RYR1: variants seen among roughly 807,000 people sequenced by gnomAD.
RYR1 encodes the protein central core disease of muscle.
RYR1 carries 342 observed loss-of-function variants against 583.5 expected under a neutral mutation model. The observed-to-expected ratio is 0.59, with a 90% CI of 0.54 to 0.64. The LOEUF (loss-of-function observed/expected upper bound fraction) is 0.64. Ranked by LOEUF, RYR1 falls within the 30% of genes least tolerant of loss-of-function variation. RYR1 has a pLI of 0.00. For missense variants in RYR1, 6,032 were observed against 6,917.2 expected (o/e 0.87, Z 4.54); for synonymous variants, 2,791 against 2,822.5 (o/e 0.99, Z 0.35).
chr19:38,489,254 A>G lies in RYR1; in HGVS notation c.5625A>G (p.Glu1875=). 1 of 1,613,148 alleles carries G rather than the reference A, an allele frequency of 6.2e-7. No individual in the cohort carries two copies. The part of the protein sequence containing the change: ...MIEPEVFTEE[E]EEEDEEEEGE... Reference sequence around the variant, plus strand: ...AGCCTGAGGTCTTCACTGAGGAAGAAGAGGAGGAGGACGAGGAGGAAGAGG... The same window carrying G: ...AGCCTGAGGTCTTCACTGAGGAAGAGGAGGAGGAGGACGAGGAGGAAGAGG... The change falls in exon 35 of 106, where the codon GAA becomes GAG. Residue 1875 remains glutamate, a synonymous_variant. Transcript: ENST00000359596.
At chr19:38,520,075 T>A (rs1372213354) in intron 67 of RYR1, among the ~76,000 whole-genome samples, 1 of 150,340 alleles carries the variant, frequency 6.7e-6, no homozygotes, top group Non-Finnish European at 1.5e-5. Flanking sequence ...AGTTTGCTTT[T>A]TTTTTTTTTT....
At chr19:38,555,589 A>C (rs1972847731) in intron 89 of RYR1, among the ~76,000 whole-genome samples, 1 of 152,174 alleles carries the variant, frequency 6.6e-6, no homozygotes, top group Admixed American at 6.6e-5. Flanking sequence ...TAAAAAAGTC[A>C]CAGTCCTTTA....
intron 26 of RYR1, 65 bp downstream of exon 26, chr19:38,469,205 G>A: frequency 6.2e-7 from 1 of 1,607,814 alleles, no homozygotes; most frequent in South Asian, 1.1e-5. Flanking sequence ...ACCCTGCACT[G>A]CCCTTCTGCC....
Position 38,494,568 on chromosome 19 carries a change from C to A in RYR1, c.6491C>A (p.Ser2164Ter). ...SLLECLGQIR[S>*]LLIVQMGPQE... ...CTCGAGTGCCTCGGCCAGATCCGCT[C>A]GCTGCTCATCGTGCAGATGGGCCCC... Residue 2164 changes from serine (S) to a stop codon, truncating the protein, a stop_gained, in exon 39 of 106, where the codon TCG (serine) becomes TAG (stop). Coordinates refer to ENST00000359596, the MANE Select transcript of RYR1 (RefSeq NM_000540.3). LOFTEE classifies it high-confidence loss of function. 1 of 1,614,128 alleles carries A rather than the reference C, an allele frequency of 6.2e-7. No individual in the cohort carries two copies. The highest frequency in any genetic ancestry group is 8.5e-7 in the Non-Finnish European group (1 of 1,180,040).
chr19:38,551,431 T>G (rs1271488467), intron 89 of RYR1, among the ~76,000 whole-genome samples: 1 of 151,902 alleles, frequency 6.6e-6, no homozygotes, highest in Admixed American at 6.6e-5. Flanking sequence ...CATCTGCACT[T>G]AGGTAAGCTC....
At chr19:38,529,131 T>A in intron 76 of RYR1, 74 bp downstream of exon 76, 1 of 1,492,834 alleles carries the variant, frequency 6.7e-7, no homozygotes, top group Non-Finnish European at 9.3e-7. Context: ...AGCTTCCCTG[T>A]GCCTCAGGAG....
rs78835441 is a variant in RYR1, at chr19:38,458,129, C to A, written c.2004C>A (p.Asp668Glu). The part of the protein sequence containing the change: ...YSKWYFEVMV[D>E]EVTPFLTAQA... ...AATGGTACTTTGAGGTGATGGTGGA[C>A]GAGGTGACTCCATTTCTGACAGCTC... The change falls in exon 18 of 106, where the codon GAC (aspartate) becomes GAA (glutamate). Residue 668 changes from aspartate to glutamate, a missense_variant. Physicochemically the swap from Asp to Glu is conservative, Grantham distance 45. Around this residue, in one of 11 missense-constraint regions of RYR1, gnomAD observed 2,627 missense variants for 2,961.3 expected, o/e 0.89. Transcript: ENST00000359596. 6 of 1,613,886 alleles carry A rather than the reference C, an allele frequency of 3.7e-6. No individual in the cohort carries two copies. In the African/African-American group the frequency reaches 8.0e-5, roughly 22 times the overall value.
In RYR1 at chr19:38,486,100, G is replaced by A. The variant is rs1305200721; in HGVS notation, c.5445G>A (p.Leu1815=). 1.2e-6 allele frequency: 2 copies of A among 1,612,856 alleles called. No individual in the cohort carries two copies. Among genetic ancestry groups the A allele is most frequent in the South Asian group, 1.1e-5 (1 of 90,994 alleles). The change falls in exon 34 of 106, where the codon CTG becomes CTA. Residue 1815 remains leucine, a synonymous_variant. Transcript: ENST00000359596. Reference sequence around the variant, plus strand: ...TGCGGGACAAGGCACTGAGGATGCTGGGGGAGGCGGTGCGCGACGGTGGGC... The same window carrying A: ...TGCGGGACAAGGCACTGAGGATGCTAGGGGAGGCGGTGCGCGACGGTGGGC... ...EALRDKALRM[L]GEAVRDGGQH...
Position 38,510,793 on chromosome 19 carries a change from G to A in RYR1, c.9122+12G>A, listed in dbSNP as rs1970692603. The stretch of plus-strand genomic sequence containing the variant: ...GAAATGATCACCAGGTGGGCCGCCT[G>A]TGACCCTGGACCCAGCCCCCTGACC... On this transcript the variant is annotated intron_variant, in intron 60 of 105. Coordinates refer to ENST00000359596, the MANE Select transcript of RYR1 (RefSeq NM_000540.3). 1 of 1,614,088 alleles carries A rather than the reference G, an allele frequency of 6.2e-7. No homozygotes were observed. Among genetic ancestry groups the A allele is most frequent in the South Asian group, 1.1e-5 (1 of 91,080 alleles).
intron 78 of RYR1, among the ~76,000 whole-genome samples, chr19:38,534,380 C>T (rs1231148208): frequency 1.3e-5 from 2 of 152,120 alleles, no homozygotes; most frequent in African/African-American, 4.8e-5. Flanking sequence ...TGGCTTCATC[C>T]ATATAGGAAG....
chr19:38,502,410 C>G (rs1970164558), intron 47 of RYR1, 97 bp from the exon 48 acceptor site: 1 of 1,192,918 alleles, frequency 8.4e-7, no homozygotes, highest in East Asian at 2.5e-5. Context: ...GGGGAGTCAT[C>G]AGAAGCTTGG....
intron 29 of RYR1, among the ~76,000 whole-genome samples, 172 bp from the exon 30 acceptor site, chr19:38,477,538 G>A (rs898332794): frequency 1.3e-5 from 2 of 152,078 alleles, no homozygotes; most frequent in African/African-American, 4.8e-5. Flanking sequence ...ATCTAGAATT[G>A]CACAAATTGA....
In RYR1 at chr19:38,519,292, G is replaced by A. The variant is rs137932199; in HGVS notation, c.10097G>A (p.Arg3366His). 1,886 of 1,614,096 alleles carry A rather than the reference G, an allele frequency of 1.2e-3. 3 individuals are homozygous for A. The highest frequency in any genetic ancestry group is 1.7e-3 in the Middle Eastern group (10 of 6,060). ...TTCATCCCAACTATCGGGCGGCTGC[G>A]CAAGAGGGCAGGGAAGGTGGTGTCC... Reference protein sequence around the residue: ...SHFIPTIGRLRKRAGKVVSEE... With the variant: ...SHFIPTIGRLHKRAGKVVSEE... Residue 3366 changes from arginine (R) to histidine (H), a missense_variant, in exon 67 of 106, where the codon CGC becomes CAC. By Grantham distance (29) the Arg-to-His change is conservative. Around this residue, in one of 11 missense-constraint regions of RYR1, gnomAD observed 1,493 missense variants for 1,715.5 expected, o/e 0.87. Transcript: ENST00000359596.
chr19:38,570,531 G>A, intron 93 of RYR1, 76 bp from the exon 94 acceptor site: 1 of 1,068,566 alleles, frequency 9.4e-7, no homozygotes, highest in Non-Finnish European at 1.5e-6. Context: ...TTTGATTGCA[G>A]GTAAATGATG....
chr19:38,505,171 G>C, intron 52 of RYR1, 90 bp downstream of exon 52: 1 of 1,296,152 alleles, frequency 7.7e-7, no homozygotes, highest in East Asian at 2.4e-5. Flanking sequence ...AGATCTCCCT[G>C]AGACCCCCCA....
rs7259341 is a variant in RYR1, at chr19:38,477,976, T to C, written c.4454+106T>C. 7.3e-3 allele frequency: 8,622 copies of C among 1,186,574 alleles called. 428 individuals are homozygous for C. In the African/African-American group the frequency reaches 0.11, roughly 15 times the overall value. 73.5% of individuals were successfully genotyped at this position (1,186,574 alleles called of 1,614,324 possible). ...CTGCCTGGTTGTGGGACCTAGGAAC[T>C]TTCTGGAGCGGGAGGATTCTCTGGG... On this transcript the variant is annotated intron_variant, in intron 30 of 105. Coordinates refer to ENST00000359596, the MANE Select transcript of RYR1 (RefSeq NM_000540.3).
At chr19:38,438,302 C>CTATCACTGACATTAACATTACA (rs1972512851) in intron 1 of RYR1, among the ~76,000 whole-genome samples, 1 of 151,954 alleles carries the variant, frequency 6.6e-6, no homozygotes, top group South Asian at 2.1e-4. Context: ...TCTATAACAC[C>CTATCACTGACATTAACATTACA]TATCACTGAC....
intron 64 of RYR1, among the ~76,000 whole-genome samples, chr19:38,515,389 G>GGGGTCACTGGGGA (rs1970919971): frequency 6.6e-6 from 1 of 152,092 alleles, no homozygotes; most frequent in East Asian, 1.9e-4. Flanking sequence ...ACGCAACACT[G>GGGGTCACTGGGGA]GGGTCACTGG....
Position 38,517,682 on chromosome 19 carries a change from C to T in RYR1, c.10009C>T (p.Arg3337Trp), listed in dbSNP as rs200296387. 21 of 1,614,058 alleles carry T rather than the reference C, an allele frequency of 1.3e-5. No individual in the cohort carries two copies. The South Asian group carries it at 1.4e-4, about 11-fold the overall frequency. The part of the protein sequence containing the change: ...LGIDEASWMK[R>W]LAVFAQPIVS... ...CATTGACGAGGCCTCCTGGATGAAG[C>T]GGCTGGCTGGTGGGTCGGGGGGCAC... Residue 3337 changes from arginine (R) to tryptophan (W), a missense_variant, in exon 66 of 106, where the codon CGG becomes TGG. Around this residue, in one of 11 missense-constraint regions of RYR1, gnomAD observed 1,493 missense variants for 1,715.5 expected, o/e 0.87. Transcript: ENST00000359596.
Sources: gnomAD v4.1 joint callset for allele counts (sites outside exome capture counted in the v4.1 genomes callset) on GRCh38, gnomAD v4.1.1 for gene constraint, gnomAD v4.1.1 regional missense constraint, MANE v1.5 for transcripts, NCBI Gene and HGNC (gene_info 2026-07-23, HGNC 2026-07-21) for gene names.